Variants in ATMIN observed in about 807,000 individuals in gnomAD.
ATMIN encodes the protein ATM interactor, also known as ATM INteracting protein.
In ATMIN, 24 loss-of-function variants were observed where a neutral mutation model predicts 49.2. That is an observed-to-expected ratio of 0.49 (90% confidence interval 0.35 to 0.69). ATMIN has a LOEUF of 0.69. Ranked by LOEUF, ATMIN falls within the 30% of genes least tolerant of loss-of-function variation. The probability of loss-of-function intolerance (pLI) is 0.00; values close to 1 mark genes in which losing one functional copy is unlikely to be tolerated. For missense variants in ATMIN, 1,037 were observed against 1,005.5 expected (o/e 1.03, Z -0.42); for synonymous variants, 450 against 392.5 (o/e 1.15, Z -1.73).
chr16:81,041,846 A>T, intron 2 of ATMIN: 1 of 212,276 alleles, frequency 4.7e-6, no homozygotes, highest in East Asian at 1.2e-4. Flanking sequence ...AATCCAGGAA[A>T]AGAAGAGTTT....
chr16:81,036,004 G>A lies in ATMIN; in HGVS notation c.134G>A (p.Arg45Lys). The change falls in exon 1 of 4, where the codon AGG (arginine) becomes AAG (lysine). Residue 45 changes from arginine to lysine, a missense_variant. By Grantham distance (26) the Arg-to-Lys change is conservative. Transcript: ENST00000299575. ...TGGGTGCCCCCGGGACCCCGACTGAGGGGCAGCCGGCCGCGGCCCGCGGGG... is the reference window on the plus strand; with the variant it reads ...TGGGTGCCCCCGGGACCCCGACTGAAGGGCAGCCGGCCGCGGCCCGCGGGG... ...GPWVPPGPRL[R>K]GSRPRPAGAT... 1 of 1,137,090 alleles carries A rather than the reference G, an allele frequency of 8.8e-7. No individual in the cohort carries two copies. The highest frequency in any genetic ancestry group is 3.7e-4 in the Middle Eastern group (1 of 2,716). The allele number at this position is 1,137,090 out of a possible 1,614,324, so 70.4% of individuals were successfully genotyped here.
chr16:81,043,824 A>G lies in ATMIN; in HGVS notation c.1326A>G (p.Gln442=), dbSNP rs575309700. The G allele has an allele frequency of 8.1e-6, 13 of 1,614,180 alleles. No individual in the cohort carries two copies. The highest frequency in any genetic ancestry group is 1.6e-4 in the Middle Eastern group (1 of 6,062). ...ATTCCTCTGTGTCGTCTTGTTCTCA[A>G]ACTGATTTGTCGTTTGATTCTCAAG... ...TADSSVSSCS[Q]TDLSFDSQVS... The change falls in exon 4 of 4, where the codon CAA becomes CAG. Residue 442 remains glutamine (Q), a synonymous_variant. Transcript: ENST00000299575.
intron 1 of ATMIN, 28 bp from the exon 2 acceptor site, chr16:81,041,328 A>G (rs748247337): frequency 8.2e-6 from 13 of 1,585,186 alleles, no homozygotes; most frequent in Non-Finnish European, 1.0e-5. Context: ...TTTTGAAATA[A>G]TAATTTAAAG....
At chr16:81,041,197 C>G in intron 1 of ATMIN, 159 bp from the exon 2 acceptor site, 1 of 723,378 alleles carries the variant, frequency 1.4e-6, no homozygotes, top group Non-Finnish European at 2.2e-6. Context: ...TTCGTTTAAT[C>G]TACTCATACT....
intron 1 of ATMIN, among the ~76,000 whole-genome samples, chr16:81,038,192 G>A (rs1031189241): frequency 3.3e-5 from 5 of 151,570 alleles, no homozygotes; most frequent in South Asian, 2.1e-4. Flanking sequence ...GTGCAGTGGC[G>A]CCATCTTGGA....
chr16:81,041,228 A>G (rs1034152718), intron 1 of ATMIN, 128 bp from the exon 2 acceptor site: 1 of 996,910 alleles, frequency 1.0e-6, no homozygotes, highest in East Asian at 2.6e-5. Flanking sequence ...TACTGCTGAC[A>G]CTAGATGGAA....
intron 1 of ATMIN, among the ~76,000 whole-genome samples, chr16:81,036,895 A>T (rs551832659): frequency 6.6e-6 from 1 of 152,370 alleles, no homozygotes; most frequent in South Asian, 2.1e-4. Flanking sequence ...AAGGAGCGGT[A>T]GGTTTGCCTC....
intron 2 of ATMIN, among the ~76,000 whole-genome samples, chr16:81,042,047 T>C (rs1971045560): frequency 6.6e-6 from 1 of 152,050 alleles, no homozygotes; most frequent in Non-Finnish European, 1.5e-5. Context: ...CTGGAGACCA[T>C]AGATGTTTCC....
At chr16:81,041,132 G>A (rs2911157) in intron 1 of ATMIN, 454,709 of 459,426 alleles carry the variant, frequency 0.99, 225,182 homozygotes, top group Non-Finnish European at 1. Context: ...GAGGAATTCA[G>A]TAATGGTCAA....
At chr16:81,037,861 A>G (rs1970971620) in intron 1 of ATMIN, among the ~76,000 whole-genome samples, 1 of 151,694 alleles carries the variant, frequency 6.6e-6, no homozygotes. Flanking sequence ...TTGGTCTCGA[A>G]CTCCTGACCC....
Position 81,044,635 on chromosome 16 carries a change from G to C in ATMIN, c.2137G>C (p.Asp713His). ...QTQTDLNFFL[D>H]SSPHLPLGSI... ...ACAGACAGACTTAAACTTTTTCTTA[G>C]ACAGTAGCCCTCATCTGCCTCTGGG... The change falls in exon 4 of 4, where the codon GAC becomes CAC. Residue 713 changes from aspartate (D) to histidine (H), a missense_variant. Transcript: ENST00000299575. The C allele has an allele frequency of 1.9e-6, 3 of 1,614,154 alleles. No homozygotes were observed. Among genetic ancestry groups the C allele is most frequent in the Non-Finnish European group, 2.5e-6 (3 of 1,180,038 alleles).
intron 2 of ATMIN, chr16:81,041,688 G>C: frequency 2.1e-6 from 1 of 487,622 alleles, no homozygotes; most frequent in Non-Finnish European, 3.6e-6. Context: ...CTAGAACTGA[G>C]TTAAAATACA....
At position 81,043,801 on chromosome 16, in the gene ATMIN, T is replaced by G. The variant is rs1244233938; in HGVS notation, c.1303T>G (p.Ser435Ala). ...TTCTGCACAGTGGGCCACTGCTGAT[T>G]CCTCTGTGTCGTCTTGTTCTCAAAC... ...IPSAQWATAD[S>A]SVSSCSQTDL... The change falls in exon 4 of 4, where the codon TCC becomes GCC. Residue 435 changes from serine to alanine, a missense_variant. Ser to Ala is a moderately conservative substitution (Grantham distance 99). Transcript: ENST00000299575. The G allele has an allele frequency of 3.7e-6, 6 of 1,614,228 alleles. No homozygotes were observed. The highest frequency in any genetic ancestry group is 3.4e-6 in the Non-Finnish European group (4 of 1,180,046).
chr16:81,037,343 C>T, intron 1 of ATMIN: 1 of 985,454 alleles, frequency 1.0e-6, no homozygotes, highest in Non-Finnish European at 1.2e-6. Flanking sequence ...CAGCAGAAAA[C>T]TCTGAGGTTG....
chr16:81,044,041 G>A lies in ATMIN; in HGVS notation c.1543G>A (p.Gly515Arg), dbSNP rs151075107. The A allele has an allele frequency of 2.0e-5, 32 of 1,614,028 alleles. No homozygotes were observed. The highest frequency in any genetic ancestry group is 1.3e-4 in the East Asian group (6 of 44,874). The change falls in exon 4 of 4, where the codon GGA (glycine) becomes AGA (arginine). Residue 515 changes from glycine to arginine, a missense_variant. By Grantham distance (125) the Gly-to-Arg change is moderately radical. Transcript: ENST00000299575. ...ACAGATGGACCAAGCTGGAATGTGCGGAGACATTTTTGAGAGTGTTCATTC... is the reference window on the plus strand; with the variant it reads ...ACAGATGGACCAAGCTGGAATGTGCAGAGACATTTTTGAGAGTGTTCATTC... Reference protein sequence around the residue: ...HVQMDQAGMCGDIFESVHSSY... With the variant: ...HVQMDQAGMCRDIFESVHSSY...
At position 81,047,067 on chromosome 16, in the gene ATMIN, A is replaced by G. The variant is rs1597129093; in HGVS notation, c.*2097A>G. On this transcript the variant is annotated 3_prime_UTR_variant, in exon 4 of 4. Transcript: ENST00000299575. ...TTTGTAAATATAAATGCAGTGATCT[A>G]TGGCTTAAAAAATTTGTTTCTGTGA... 6.6e-6 allele frequency: 1 copy of G among 152,664 alleles called. No homozygotes were observed. The highest frequency in any genetic ancestry group is 2.4e-5 in the African/African-American group (1 of 41,450). The allele number at this position is 152,664 out of a possible 1,614,324, so 9.5% of individuals were successfully genotyped here.
rs140516569 is a variant in ATMIN, at chr16:81,044,755, G to A, written c.2257G>A (p.Ala753Thr). 55 of 1,614,050 alleles carry A rather than the reference G, an allele frequency of 3.4e-5. No individual in the cohort carries two copies. The African/African-American group carries it at 6.7e-4, about 20-fold the overall frequency. ...EGVSTAKNIPALESKVQLNST... is the reference protein window; with the variant it reads ...EGVSTAKNIPTLESKVQLNST... ...AGTCTCCACTGCTAAAAATATACCT[G>A]CTCTAGAAAGCAAAGTTCAGTTGAA... The change falls in exon 4 of 4, where the codon GCT (alanine) becomes ACT (threonine). Residue 753 changes from alanine (A) to threonine (T), a missense_variant. Coordinates refer to ENST00000299575, the MANE Select transcript of ATMIN (RefSeq NM_015251.3).
At position 81,036,006 on chromosome 16, in the gene ATMIN, GGCAGCCGGCCGCGGCCCGCGGGGGCGAC is replaced by G. The variant is rs1970920828; in HGVS notation, c.142_169del (p.Arg48SerfsTer12). 8.8e-7 allele frequency: 1 copy of G among 1,139,620 alleles called. No homozygotes were observed. 70.6% of individuals were successfully genotyped at this position (1,139,620 alleles called of 1,614,324 possible). Reference sequence around the variant, plus strand: ...GGTGCCCCCGGGACCCCGACTGAGGGGCAGCCGGCCGCGGCCCGCGGGGGCGACGCAGCAGCCCGCTGTCCCCGCGCCG... The same window carrying G: ...GGTGCCCCCGGGACCCCGACTGAGGGGCAGCAGCCCGCTGTCCCCGCGCCG... On this transcript the variant is annotated frameshift_variant, in exon 1 of 4. Transcript: ENST00000299575. LOFTEE classifies it high-confidence loss of function.
intron 2 of ATMIN, 45 bp from the exon 3 acceptor site, chr16:81,042,236 A>T: frequency 6.4e-7 from 1 of 1,555,566 alleles, no homozygotes; most frequent in African/African-American, 1.4e-5. Flanking sequence ...AAATGTTTTG[A>T]CCAGTTGCTG....
Sources: gnomAD v4.1 joint callset for allele counts (sites outside exome capture counted in the v4.1 genomes callset) on GRCh38, gnomAD v4.1.1 for gene constraint, MANE v1.5 for transcripts, NCBI Gene and HGNC (gene_info 2026-07-23, HGNC 2026-07-21) for gene names.